Variants in NBAS observed in about 807,000 individuals in gnomAD.
NBAS encodes NAG/BC035112 fusion.
Under a neutral mutation model 302.5 loss-of-function variants are expected in NBAS, and 219 were observed. The ratio of observed to expected loss-of-function variants is 0.72; its 90% CI spans 0.65 to 0.81. NBAS has a LOEUF of 0.81. Among genes scored for constraint, NBAS ranks in the 30% least tolerant of loss-of-function variants. NBAS has a pLI of 0.00. For synonymous variants in NBAS, 1,118 were observed against 1,021.6 expected, an observed-to-expected ratio of 1.09 and a Z score of -1.80; for missense variants, 2,932 against 2,841.6, an observed-to-expected ratio of 1.03 and a Z score of -0.72.
intron 27 of NBAS, 139 bp downstream of exon 27, chr2:15,396,274 G>T: frequency 1.6e-6 from 1 of 633,372 alleles, no homozygotes; most frequent in Non-Finnish European, 2.7e-6. Context: ...TTGTTGTTGA[G>T]AAAATTCACT....
At chr2:15,075,245 T>A in the NBAS span, among the ~76,000 whole-genome samples, 1 of 152,190 alleles carries the variant, frequency 6.6e-6, no homozygotes, top group Admixed American at 6.5e-5. Flanking sequence ...TGATCTATTG[T>A]TAAATGTAAA....
At chr2:15,205,535 C>G (rs1168420196) in intron 48 of NBAS, among the ~76,000 whole-genome samples, 2 of 151,382 alleles carry the variant, frequency 1.3e-5, no homozygotes, top group African/African-American at 4.9e-5. Flanking sequence ...CCTATAAAGA[C>G]AACATACGCT....
the NBAS span, among the ~76,000 whole-genome samples, chr2:15,102,314 G>A: frequency 1.3e-5 from 2 of 152,188 alleles, no homozygotes; most frequent in Non-Finnish European, 2.9e-5. Context: ...AGGTGGAAAG[G>A]TGGGAGGAGC....
chr2:15,228,847 G>A (rs1463924346), intron 47 of NBAS, among the ~76,000 whole-genome samples: 2 of 152,098 alleles, frequency 1.3e-5, no homozygotes, highest in Non-Finnish European at 2.9e-5. Flanking sequence ...AGGAGAGGAC[G>A]GTCAATAGGC....
chr2:14,893,053 A>G, the NBAS span, among the ~76,000 whole-genome samples: 1 of 152,192 alleles, frequency 6.6e-6, no homozygotes, highest in Admixed American at 6.5e-5. Context: ...ATGTTTTTAA[A>G]TATTTATTGA....
chr2:14,989,356 G>A, the NBAS span, among the ~76,000 whole-genome samples: 2 of 148,736 alleles, frequency 1.3e-5, no homozygotes, highest in South Asian at 2.1e-4. Flanking sequence ...TCAGAAGTGC[G>A]AGACCAGCCT....
In NBAS at chr2:15,238,318, T is replaced by C. The variant is rs907073436; in HGVS notation, c.5943+150A>G. 19 of 734,286 alleles carry C rather than the reference T, an allele frequency of 2.6e-5. 1 individual carries two copies. In the Admixed American group the frequency reaches 3.1e-4, roughly 12 times the overall value. 45.5% of individuals were successfully genotyped at this position (734,286 alleles called of 1,614,324 possible). ...AACTGAATTGTCAATCAAGTGATCATGAAGAGGTTAACCAATAAAGGCTTG... is the reference window on the plus strand; with the variant it reads ...AACTGAATTGTCAATCAAGTGATCACGAAGAGGTTAACCAATAAAGGCTTG... On this transcript the variant is annotated intron_variant, in intron 45 of 51. Coordinates refer to ENST00000281513, the MANE Select transcript of NBAS (RefSeq NM_015909.4).
At chr2:15,175,788 G>T (rs1483950921) in intron 51 of NBAS, among the ~76,000 whole-genome samples, 1 of 152,186 alleles carries the variant, frequency 6.6e-6, no homozygotes, top group Admixed American at 6.5e-5. Flanking sequence ...TACTGCTAGA[G>T]GAAAAGTCAG....
chr2:15,245,885 T>A (rs952197970), intron 44 of NBAS, among the ~76,000 whole-genome samples: 1 of 152,138 alleles, frequency 6.6e-6, no homozygotes, highest in Non-Finnish European at 1.5e-5. Context: ...GTTTTTGCAA[T>A]CCTTTAAAAA....
chr2:15,248,760 A>C (rs1318908568), intron 44 of NBAS, among the ~76,000 whole-genome samples: 3 of 152,024 alleles, frequency 2.0e-5, no homozygotes, highest in Non-Finnish European at 4.4e-5. Flanking sequence ...CCAAGACTAA[A>C]CCAGAAGTTG....
chr2:15,244,725 G>C (rs1051858995), intron 44 of NBAS, among the ~76,000 whole-genome samples: 3 of 152,156 alleles, frequency 2.0e-5, no homozygotes, highest in African/African-American at 7.2e-5. Flanking sequence ...GCTCCCTGGA[G>C]GGACTAGGAC....
At chr2:15,261,000 T>C (rs1314832649) in intron 44 of NBAS, among the ~76,000 whole-genome samples, 2 of 152,214 alleles carry the variant, frequency 1.3e-5, no homozygotes, top group Non-Finnish European at 2.9e-5. Context: ...CAGGACCCAC[T>C]AGTGAGTTAT....
chr2:15,442,484 C>G (rs1423250906), intron 21 of NBAS, among the ~76,000 whole-genome samples: 1 of 151,964 alleles, frequency 6.6e-6, no homozygotes, highest in African/African-American at 2.4e-5. Context: ...ACCAGAATCT[C>G]TGGGACACAT....
the NBAS span, among the ~76,000 whole-genome samples, chr2:14,956,339 G>A: frequency 2.6e-5 from 4 of 152,242 alleles, no homozygotes; most frequent in South Asian, 8.3e-4. Flanking sequence ...CAAGTCTCAA[G>A]GAAGTTCCAA....
intron 48 of NBAS, among the ~76,000 whole-genome samples, chr2:15,211,541 C>T (rs1174569201): frequency 6.6e-6 from 1 of 152,202 alleles, no homozygotes; most frequent in African/African-American, 2.4e-5. Flanking sequence ...TCTACCAGTG[C>T]CCAACATTCA....
chr2:14,896,727 G>A, the NBAS span, among the ~76,000 whole-genome samples: 1 of 152,128 alleles, frequency 6.6e-6, no homozygotes, highest in Admixed American at 6.5e-5. Context: ...GGGAGCCCAG[G>A]CCAGTGAGTG....
the NBAS span, among the ~76,000 whole-genome samples, chr2:15,087,147 T>C: frequency 6.6e-6 from 1 of 151,444 alleles, no homozygotes; most frequent in African/African-American, 2.4e-5. Flanking sequence ...TCAGCTCTCC[T>C]AGGTCTCACC....
intron 48 of NBAS, among the ~76,000 whole-genome samples, chr2:15,207,984 A>T (rs1666225177): frequency 6.6e-6 from 1 of 152,180 alleles, no homozygotes; most frequent in African/African-American, 2.4e-5. Context: ...GCAAGAGGAT[A>T]TAACAGTTGT....
chr2:15,064,908 G>A, the NBAS span, among the ~76,000 whole-genome samples: 1 of 152,150 alleles, frequency 6.6e-6, no homozygotes, highest in Non-Finnish European at 1.5e-5. Context: ...CCAAGTGGGA[G>A]TTGTCCCTGG....
Sources: allele counts gnomAD v4.1 joint callset (sites outside exome capture counted in the v4.1 genomes callset), GRCh38; gene constraint gnomAD v4.1.1; transcripts MANE v1.5; gene names NCBI Gene and HGNC (gene_info 2026-07-23, HGNC 2026-07-21).